The following ZNF493 variants were observed in gnomAD, a reference collection of about 807,000 sequenced individuals.
The protein encoded by ZNF493 is zinc finger protein 493.
ZNF493 carries 11 observed loss-of-function variants against 12.2 expected under a neutral mutation model. That is an observed-to-expected ratio of 0.90 (90% CI 0.57 to 1.50). The LOEUF (loss-of-function observed/expected upper bound fraction) is 1.50, where lower values mean the gene tolerates loss of function less well. Among genes scored for constraint, ZNF493 ranks in the 40% most tolerant of loss-of-function variants. The pLI is 0.00. For synonymous variants in ZNF493, 286 were observed against 302.6 expected, an observed-to-expected ratio of 0.95 and a Z score of 0.57; for missense variants, 950 against 906.6, an observed-to-expected ratio of 1.05 and a Z score of -0.61.
At chr19:21,404,173 A>G (rs966768712) in intron 1 of ZNF493, among the ~76,000 whole-genome samples, 3 of 152,236 alleles carry the variant, frequency 2.0e-5, no homozygotes, top group Admixed American at 1.3e-4. Flanking sequence ...CTCAGGTGCT[A>G]AAGAAAGACT....
At chr19:21,411,387 A>C (rs995992672) in intron 3 of ZNF493, among the ~76,000 whole-genome samples, 4 of 151,746 alleles carry the variant, frequency 2.6e-5, no homozygotes, top group African/African-American at 9.7e-5. Flanking sequence ...GTTCTTTTTT[A>C]TGAGTGTTTT....
chr19:21,413,551 G>T, intron 3 of ZNF493: 2 of 403,516 alleles, frequency 5.0e-6, no homozygotes, highest in Non-Finnish European at 8.7e-6. Flanking sequence ...GACGCTTGGG[G>T]TTGTCCTCAG....
At position 21,425,070 on chromosome 19, in the gene ZNF493, CA is replaced by C; in HGVS notation, c.*87del. 7.0e-7 allele frequency: 1 copy of C among 1,433,660 alleles called. No homozygotes were observed. The highest frequency in any genetic ancestry group is 1.8e-4 in the Middle Eastern group (1 of 5,560). The allele number at this position is 1,433,660 out of a possible 1,614,324, so 88.8% of individuals were successfully genotyped here. A position where few individuals can be genotyped will look rare whatever the true frequency, so the allele number is the denominator to read the frequency against. On this transcript the variant is annotated 3_prime_UTR_variant, in exon 4 of 4. Coordinates refer to ENST00000392288, the MANE Select transcript of ZNF493 (RefSeq NM_001076678.3). ...TCACCAGTACTTTACCCTTAATACACATAAGATAATTAATGCTGGAGAGAAA... is the reference window on the plus strand; with the variant it reads ...TCACCAGTACTTTACCCTTAATACACTAAGATAATTAATGCTGGAGAGAAA...
In ZNF493 at chr19:21,425,723, A is replaced by G. The variant is rs559138611; in HGVS notation, c.*739A>G. 8.8e-5 allele frequency: 59 copies of G among 668,330 alleles called. 1 individual carries two copies. In the East Asian group the frequency reaches 2.6e-3, roughly 30 times the overall value. The allele number at this position is 668,330 out of a possible 1,614,324, so 41.4% of individuals were successfully genotyped here. On this transcript the variant is annotated 3_prime_UTR_variant, in exon 4 of 4. Transcript: ENST00000392288. ...AAAAATGTGGCAAAGCTTTTAACCA[A>G]TTTTCAAACCTTACTAAACATAAGA...
chr19:21,401,706 A>T (rs6511238), intron 1 of ZNF493, among the ~76,000 whole-genome samples: 1 of 151,108 alleles, frequency 6.6e-6, no homozygotes, highest in East Asian at 2.0e-4. Context: ...GCTCACTGCA[A>T]CCTCCACCTC....
At chr19:21,416,971 C>T (rs1468071661) in intron 3 of ZNF493, among the ~76,000 whole-genome samples, 1 of 152,168 alleles carries the variant, frequency 6.6e-6, no homozygotes, top group Non-Finnish European at 1.5e-5. Context: ...GGTTTTGCAG[C>T]ATAAGTCTAC....
At chr19:21,405,334 A>G in intron 2 of ZNF493, 79 bp downstream of exon 2, 1 of 1,550,278 alleles carries the variant, frequency 6.5e-7, no homozygotes. Flanking sequence ...AATTTTTGGT[A>G]ATTTATGCTT....
chr19:21,403,778 G>A (rs2030027237), intron 1 of ZNF493, among the ~76,000 whole-genome samples: 1 of 152,154 alleles, frequency 6.6e-6, no homozygotes, highest in African/African-American at 2.4e-5. Flanking sequence ...CCCCTAATGA[G>A]TTTGTTTTAA....
At chr19:21,413,180 TG>T (rs1276466941) in intron 3 of ZNF493, 7 of 322,462 alleles carry the variant, frequency 2.2e-5, no homozygotes, top group Non-Finnish European at 4.0e-5. Context: ...TCATTTTTTC[TG>T]GCCAGGTACT....
chr19:21,421,305 A>T (rs2030671968), intron 3 of ZNF493, among the ~76,000 whole-genome samples: 1 of 151,544 alleles, frequency 6.6e-6, no homozygotes, highest in African/African-American at 2.4e-5. Context: ...CTGTGTTCAT[A>T]TTTCACTCAT....
intron 3 of ZNF493, among the ~76,000 whole-genome samples, 183 bp downstream of exon 3, chr19:21,406,039 G>A (rs1040075670): frequency 2.0e-5 from 3 of 151,756 alleles, no homozygotes; most frequent in African/African-American, 7.3e-5. Context: ...TGGCCAACAT[G>A]GTGTAAACTC....
At chr19:21,410,060 G>GTGTA (rs1491483385) in intron 3 of ZNF493, among the ~76,000 whole-genome samples, 60 of 43,948 alleles carry the variant, frequency 1.4e-3, no homozygotes, top group African/African-American at 3.8e-3. Context: ...TTCATTGTGT[G>GTGTA]TATATATATA....
rs1180460363 is a variant in ZNF493 at position 21,423,422 on chromosome 19, C to T, written c.763C>T (p.His255Tyr). 1 of 1,613,646 alleles carries T rather than the reference C, an allele frequency of 6.2e-7. No homozygotes were observed. Among genetic ancestry groups the T allele is most frequent in the Non-Finnish European group, 8.5e-7 (1 of 1,179,812 alleles). Reference protein sequence around the residue: ...SFNQDSNLTTHKRIHTGQKPY... With the variant: ...SFNQDSNLTTYKRIHTGQKPY... ...TAACCAGGACTCAAACCTTACTACACATAAGAGAATTCATACTGGACAGAA... is the reference window on the plus strand; with the variant it reads ...TAACCAGGACTCAAACCTTACTACATATAAGAGAATTCATACTGGACAGAA... The change falls in exon 4 of 4, where the codon CAT becomes TAT. Residue 255 changes from histidine (H) to tyrosine (Y), a missense_variant. Transcript: ENST00000392288.
chr19:21,413,846 A>G (rs1383486790), intron 3 of ZNF493: 4 of 175,752 alleles, frequency 2.3e-5, no homozygotes, highest in Non-Finnish European at 4.8e-5. Context: ...GCCTTTGGGC[A>G]GGCTCAAAAA....
intron 1 of ZNF493, among the ~76,000 whole-genome samples, chr19:21,404,344 A>G (rs1175694113): frequency 6.6e-6 from 1 of 152,268 alleles, no homozygotes; most frequent in Non-Finnish European, 1.5e-5. Flanking sequence ...GCATCAGCAC[A>G]TCATAAACAT....
chr19:21,425,435 A>G lies in ZNF493; in HGVS notation c.*451A>G. The G allele has an allele frequency of 2.2e-6, 1 of 446,370 alleles. No individual in the cohort carries two copies. Among genetic ancestry groups the G allele is most frequent in the Non-Finnish European group, 4.4e-6 (1 of 226,620 alleles). 27.7% of individuals were successfully genotyped at this position (446,370 alleles called of 1,614,324 possible). A position where few individuals can be genotyped will look rare whatever the true frequency, so the allele number is the denominator to read the frequency against. Reference sequence around the variant, plus strand: ...AAATAATTCATAAAGGAGATAAATTATACAAATGTGAAGAATGTGGCAAAG... The same window carrying G: ...AAATAATTCATAAAGGAGATAAATTGTACAAATGTGAAGAATGTGGCAAAG... On this transcript the variant is annotated 3_prime_UTR_variant, in exon 4 of 4. Coordinates refer to ENST00000392288, the MANE Select transcript of ZNF493 (RefSeq NM_001076678.3).
At position 21,425,778 on chromosome 19, in the gene ZNF493, T is replaced by C; in HGVS notation, c.*794T>C. ...TCATACTGGAGAAAAATCTTACAAATGTGAAGAATGTGGCAAAGCCTTTAT... is the reference window on the plus strand; with the variant it reads ...TCATACTGGAGAAAAATCTTACAAACGTGAAGAATGTGGCAAAGCCTTTAT... On this transcript the variant is annotated 3_prime_UTR_variant, in exon 4 of 4. Transcript: ENST00000392288. 2 of 581,610 alleles carry C rather than the reference T, an allele frequency of 3.4e-6. No individual in the cohort carries two copies. Among genetic ancestry groups the C allele is most frequent in the Non-Finnish European group, 6.6e-6 (2 of 303,220 alleles). The allele number at this position is 581,610 out of a possible 1,614,324, so 36.0% of individuals were successfully genotyped here.
chr19:21,425,295 T>C lies in ZNF493; in HGVS notation c.*311T>C, dbSNP rs1311996281. ...CAAATATGAAGAATGTGACAAAGCT[T>C]TTAACCACTTCTCAACCCTGCCTAC... On this transcript the variant is annotated 3_prime_UTR_variant, in exon 4 of 4. Transcript: ENST00000392288. The C allele has an allele frequency of 4.4e-6, 2 of 458,532 alleles. No homozygotes were observed. Among genetic ancestry groups the C allele is most frequent in the Non-Finnish European group, 8.3e-6 (2 of 240,332 alleles). 28.4% of individuals were successfully genotyped at this position (458,532 alleles called of 1,614,324 possible). A position where few individuals can be genotyped will look rare whatever the true frequency, so the allele number is the denominator to read the frequency against.
intron 3 of ZNF493, among the ~76,000 whole-genome samples, chr19:21,417,668 T>C (rs1453476341): frequency 2.0e-5 from 3 of 152,200 alleles, no homozygotes; most frequent in Non-Finnish European, 4.4e-5. Context: ...TCATCCTGCA[T>C]GACCAGTTGT....
Sources: gnomAD v4.1 joint callset for allele counts (sites outside exome capture counted in the v4.1 genomes callset) on GRCh38, gnomAD v4.1.1 for gene constraint, MANE v1.5 for transcripts, NCBI Gene and HGNC (gene_info 2026-07-23, HGNC 2026-07-21) for gene names.